The following RORB variants were observed in gnomAD, a reference collection of about 807,000 sequenced individuals.
RORB encodes nuclear receptor ROR-beta.
RORB carries 6 observed loss-of-function variants against 59.1 expected under a neutral mutation model. The ratio of observed to expected loss-of-function variants is 0.10; its 90% CI spans 0.06 to 0.20. The LOEUF (loss-of-function observed/expected upper bound fraction) is 0.20, where lower values mean the gene tolerates loss of function less well. RORB is among the 10% of genes least tolerant of loss of function. The probability of loss-of-function intolerance (pLI) is 1.00; values close to 1 mark genes in which losing one functional copy is unlikely to be tolerated. For missense variants in RORB, 320 were observed against 560.5 expected (o/e 0.57, Z 4.33); for synonymous variants, 215 against 204.5 (o/e 1.05, Z -0.44).
Position 74,667,840 on chromosome 9 carries a change from T to C in RORB, c.1050T>C (p.Cys350=), listed in dbSNP as rs750911098. Residue 350 remains cysteine, a synonymous_variant, in exon 8 of 10, where the codon TGT becomes TGC. Coordinates refer to ENST00000376896, the MANE Select transcript of RORB (RefSeq NM_006914.4). ...NEAFDFAKNL[C]SLQLTEEEIA... is the part of the protein sequence containing the mutation. ...CATTTGACTTTGCAAAGAATTTGTG[T>C]TCCTTGCAGCTGACCGAGGAGGAGA... 5 of 1,613,926 alleles carry C rather than the reference T, an allele frequency of 3.1e-6. No individual in the cohort carries two copies. In the East Asian group the frequency reaches 8.9e-5, roughly 29 times the overall value.
chr9:74,664,495 T>C (rs554296770), intron 6 of RORB, among the ~76,000 whole-genome samples: 3 of 152,328 alleles, frequency 2.0e-5, no homozygotes, highest in Admixed American at 2.0e-4. Context: ...GAAATAGTTA[T>C]TGTAAGGAGC....
chr9:74,574,578 C>G (rs980116794), intron 1 of RORB, among the ~76,000 whole-genome samples: 3 of 152,066 alleles, frequency 2.0e-5, no homozygotes, highest in Non-Finnish European at 4.4e-5. Context: ...TAGGCCTTCA[C>G]CACCATCCAC....
intron 6 of RORB, among the ~76,000 whole-genome samples, 159 bp from the exon 7 acceptor site, chr9:74,665,329 G>A (rs576563724): frequency 6.6e-6 from 1 of 152,028 alleles, no homozygotes; most frequent in South Asian, 2.1e-4. Context: ...AGGAACTTAA[G>A]GGATTTCTGT....
At chr9:74,524,562 A>T (rs2118080502) in intron 1 of RORB, among the ~76,000 whole-genome samples, 1 of 152,106 alleles carries the variant, frequency 6.6e-6, no homozygotes, top group Admixed American at 6.6e-5. Flanking sequence ...TAATTTATAG[A>T]AGAATGTAAT....
intron 9 of RORB, among the ~76,000 whole-genome samples, chr9:74,674,076 A>G (rs1824393424): frequency 6.6e-6 from 1 of 152,200 alleles, no homozygotes; most frequent in Admixed American, 6.5e-5. Context: ...GAGCCCCGTT[A>G]GCTCCTGACT....
At chr9:74,615,799 G>T (rs376598235) in intron 1 of RORB, among the ~76,000 whole-genome samples, 3 of 151,994 alleles carry the variant, frequency 2.0e-5, no homozygotes, top group Non-Finnish European at 4.4e-5. Flanking sequence ...AATAAAACAA[G>T]TCACTCAGGC....
At chr9:74,642,060 C>G (rs532905100) in intron 3 of RORB, among the ~76,000 whole-genome samples, 1 of 151,950 alleles carries the variant, frequency 6.6e-6, no homozygotes, top group Non-Finnish European at 1.5e-5. Flanking sequence ...ATTTTAATAG[C>G]GGGTACTATT....
intron 1 of RORB, among the ~76,000 whole-genome samples, chr9:74,602,405 T>C (rs1823080066): frequency 6.6e-6 from 1 of 152,238 alleles, no homozygotes; most frequent in African/African-American, 2.4e-5. Flanking sequence ...CTTTTGGCAC[T>C]GTGTTTGGTA....
chr9:74,637,643 A>G (rs968689819), intron 3 of RORB, among the ~76,000 whole-genome samples: 5 of 152,002 alleles, frequency 3.3e-5, no homozygotes, highest in African/African-American at 1.2e-4. Context: ...ACTGTTTCCA[A>G]TTGTGCTACT....
At chr9:74,529,479 T>C (rs1826202862) in intron 1 of RORB, among the ~76,000 whole-genome samples, 1 of 151,858 alleles carries the variant, frequency 6.6e-6, no homozygotes, top group East Asian at 1.9e-4. Context: ...TCTTTGAAAA[T>C]TGAGGCTTTC....
Position 74,686,276 on chromosome 9 carries a change from T to G in RORB, c.*658T>G, listed in dbSNP as rs1478918881. Reference sequence around the variant, plus strand: ...GATTTTGTTTTCCCAGCCAGAGTTTTCATCTATAGTCAATGGCAGGACGGT... The same window carrying G: ...GATTTTGTTTTCCCAGCCAGAGTTTGCATCTATAGTCAATGGCAGGACGGT... On this transcript the variant is annotated 3_prime_UTR_variant, in exon 10 of 10. Coordinates refer to ENST00000376896, the MANE Select transcript of RORB (RefSeq NM_006914.4). The G allele has an allele frequency of 2.0e-5, 3 of 152,646 alleles. No homozygotes were observed. The highest frequency in any genetic ancestry group is 7.2e-5 in the African/African-American group (3 of 41,466). The allele number at this position is 152,646 out of a possible 1,614,324, so 9.5% of individuals were successfully genotyped here.
chr9:74,506,194 T>C (rs1327698226), intron 1 of RORB, among the ~76,000 whole-genome samples: 2 of 152,020 alleles, frequency 1.3e-5, no homozygotes, highest in East Asian at 1.9e-4. Context: ...ACAAAACCCA[T>C]TGAAGTAATA....
rs1271045095 is a variant in RORB, at chr9:74,497,545, ACTC to A, written c.-423_-421del. 6 of 205,394 alleles carry A rather than the reference ACTC, an allele frequency of 2.9e-5. No individual in the cohort carries two copies. Among genetic ancestry groups the A allele is most frequent in the Non-Finnish European group, 3.8e-5 (4 of 103,914 alleles). The allele number at this position is 205,394 out of a possible 1,614,324, so 12.7% of individuals were successfully genotyped here. Reference sequence around the variant, plus strand: ...TTTGTAACTAACAAAACCACCACCAACTCCTCCTCCTGCTGCTGCCCTTCCTCC... The same window carrying A: ...TTTGTAACTAACAAAACCACCACCAACTCCTCCTGCTGCTGCCCTTCCTCC... On this transcript the variant is annotated 5_prime_UTR_variant, in exon 1 of 10. Transcript: ENST00000376896.
chr9:74,570,582 AAC>A (rs1822536462), intron 1 of RORB, among the ~76,000 whole-genome samples: 1 of 152,292 alleles, frequency 6.6e-6, no homozygotes, highest in South Asian at 2.1e-4. Flanking sequence ...GTATTTATAT[AAC>A]ACATAAATAT....
chr9:74,541,212 G>A (rs967098922), intron 1 of RORB, among the ~76,000 whole-genome samples: 3 of 143,118 alleles, frequency 2.1e-5, no homozygotes, highest in African/African-American at 5.2e-5. Context: ...CCTTGGAGGT[G>A]GAGGTTGCAG....
chr9:74,584,186 A>T (rs1325645848), intron 1 of RORB, among the ~76,000 whole-genome samples: 1 of 152,186 alleles, frequency 6.6e-6, no homozygotes, highest in African/African-American at 2.4e-5. Context: ...TTTTATTGCT[A>T]TTCCCTGTGC....
rs374556016 is a variant in RORB, at chr9:74,541,279, CAAAAAAAAAAA to C, written c.7+43313_7+43323del. 9.6e-4 allele frequency among the ~76,000 whole-genome samples: 42 copies of C among 43,572 alleles called. No individual in the cohort carries two copies. In the South Asian group the frequency reaches 0.037, roughly 38 times the overall value. The allele number at this position is 43,572 out of a possible 152,430, so 28.6% of individuals were successfully genotyped here. On this transcript the variant is annotated intron_variant, in intron 1 of 9. Transcript: ENST00000376896. ...TGGGCAACAGAAAGAGACTCCATCT[CAAAAAAAAAAA>C]AAAAAAAAAAAAAAAAGTAAAGGCT...
At chr9:74,577,479 A>G (rs1822654638) in intron 1 of RORB, among the ~76,000 whole-genome samples, 1 of 152,100 alleles carries the variant, frequency 6.6e-6, no homozygotes, top group South Asian at 2.1e-4. Flanking sequence ...CTTCAAATGG[A>G]AAGTACCTGT....
intron 1 of RORB, among the ~76,000 whole-genome samples, chr9:74,576,827 A>G (rs1822643422): frequency 6.6e-6 from 1 of 152,096 alleles, no homozygotes; most frequent in South Asian, 2.1e-4. Context: ...ACTACATGCC[A>G]TGTACCAGCA....
Sources: gnomAD v4.1 joint callset for allele counts (sites outside exome capture counted in the v4.1 genomes callset) on GRCh38, gnomAD v4.1.1 for gene constraint, MANE v1.5 for transcripts, NCBI Gene and HGNC (gene_info 2026-07-23, HGNC 2026-07-21) for gene names.